Variants in DNM3 observed in about 807,000 individuals in gnomAD.
DNM3 encodes the protein dynamin-3.
Under a neutral mutation model 101.6 loss-of-function variants are expected in DNM3, and 47 were observed. That is an observed-to-expected ratio of 0.46 (90% CI 0.37 to 0.59). The LOEUF (loss-of-function observed/expected upper bound fraction) is 0.59. Ranked by LOEUF, DNM3 falls within the 20% of genes least tolerant of loss-of-function variation. The probability of loss-of-function intolerance (pLI) is 0.00; values close to 1 mark genes in which losing one functional copy is unlikely to be tolerated. For synonymous variants in DNM3, 385 were observed against 387.9 expected (o/e 0.99, Z 0.09); for missense variants, 849 against 1,085.7 (o/e 0.78, Z 3.06).
chr1:172,170,541 T>A (rs1425042730), intron 14 of DNM3, among the ~76,000 whole-genome samples: 1 of 151,902 alleles, frequency 6.6e-6, no homozygotes, highest in Non-Finnish European at 1.5e-5. Flanking sequence ...GTAAGGCTCC[T>A]AGTATGGGGA....
At chr1:171,891,728 G>C (rs181992225) in intron 1 of DNM3, among the ~76,000 whole-genome samples, 4 of 152,266 alleles carry the variant, frequency 2.6e-5, no homozygotes, top group African/African-American at 7.2e-5. Flanking sequence ...GTGTTTTTGG[G>C]AGAAAGATCA....
intron 14 of DNM3, among the ~76,000 whole-genome samples, chr1:172,177,737 T>G (rs74126034): frequency 6.6e-6 from 1 of 151,860 alleles, no homozygotes; most frequent in East Asian, 1.9e-4. Flanking sequence ...AGTGGACTTA[T>G]AGCCAACCCA....
At chr1:172,043,936 A>G (rs193293092) in intron 8 of DNM3, among the ~76,000 whole-genome samples, 28 of 152,304 alleles carry the variant, frequency 1.8e-4, no homozygotes, top group Middle Eastern at 6.8e-3. Context: ...TTTTACAAAG[A>G]GGCCTTTAAC....
At chr1:172,108,600 T>A (rs2055237749) in intron 13 of DNM3, among the ~76,000 whole-genome samples, 1 of 152,254 alleles carries the variant, frequency 6.6e-6, no homozygotes, top group Non-Finnish European at 1.5e-5. Flanking sequence ...AATTAGGGAA[T>A]GAAATGTCTT....
chr1:172,063,515 C>T (rs1168782005), intron 10 of DNM3, among the ~76,000 whole-genome samples: 1 of 151,940 alleles, frequency 6.6e-6, no homozygotes, highest in Non-Finnish European at 1.5e-5. Flanking sequence ...TCTCTCAGAA[C>T]ATGTATAATT....
chr1:172,316,591 A>G (rs2065372398), intron 16 of DNM3, among the ~76,000 whole-genome samples: 1 of 152,150 alleles, frequency 6.6e-6, no homozygotes, highest in African/African-American at 2.4e-5. Context: ...TTGCAATCCT[A>G]GTCTCTGATA....
chr1:172,258,874 G>T (rs1170100781), intron 15 of DNM3, among the ~76,000 whole-genome samples: 1 of 151,516 alleles, frequency 6.6e-6, no homozygotes, highest in Non-Finnish European at 1.5e-5. Context: ...TTCTTTTGAT[G>T]TAGGCAATTA....
intron 1 of DNM3, among the ~76,000 whole-genome samples, chr1:171,897,003 A>G (rs1282434813): frequency 1.3e-5 from 2 of 152,306 alleles, no homozygotes; most frequent in East Asian, 1.9e-4. Flanking sequence ...CTTTTGGACC[A>G]TCTTAAAGTG....
intron 14 of DNM3, among the ~76,000 whole-genome samples, chr1:172,236,934 C>T (rs1186337799): frequency 6.6e-6 from 1 of 152,080 alleles, no homozygotes; most frequent in Non-Finnish European, 1.5e-5. Context: ...CTTCCTCTTC[C>T]TCTTCCTCTA....
intron 2 of DNM3, chr1:171,987,352 G>C (rs1328762175): frequency 2.0e-6 from 2 of 982,892 alleles, no homozygotes; most frequent in East Asian, 2.3e-4. Flanking sequence ...GCTGTTGTTT[G>C]CTTTATCATT....
At chr1:172,345,418 G>C (rs1005472065) in intron 17 of DNM3, among the ~76,000 whole-genome samples, 1 of 152,198 alleles carries the variant, frequency 6.6e-6, no homozygotes, top group African/African-American at 2.4e-5. Context: ...GGCTTCCTAA[G>C]TGAACTACTC....
chr1:172,237,749 GC>G (rs1218124302), intron 14 of DNM3, among the ~76,000 whole-genome samples: 25 of 151,998 alleles, frequency 1.6e-4, no homozygotes, highest in Non-Finnish European at 3.1e-4. Context: ...CATCAAAAAA[GC>G]CAACCAAAAT....
In DNM3 at chr1:172,411,207, C is replaced by T. The variant is rs190470259; in HGVS notation, c.*3366C>T. On this transcript the variant is annotated 3_prime_UTR_variant, in exon 21 of 21. Transcript: ENST00000627582. ...ACAACAGATAGCTTTGAATGATCTG[C>T]CATAACATGTGGTAACAATAGTTCA... The T allele has an allele frequency of 6.9e-4, 677 of 985,078 alleles. 4 individuals are homozygous for T. The African/African-American group carries it at 0.011, about 16-fold the overall frequency. The allele number at this position is 985,078 out of a possible 1,614,324, so 61.0% of individuals were successfully genotyped here.
intron 14 of DNM3, among the ~76,000 whole-genome samples, chr1:172,175,173 G>A (rs781410204): frequency 1.6e-4 from 25 of 151,728 alleles, no homozygotes; most frequent in African/African-American, 5.6e-4. Context: ...AAGGAGATGA[G>A]TATGACTGGA....
intron 1 of DNM3, among the ~76,000 whole-genome samples, chr1:171,920,981 G>A (rs1261852381): frequency 6.6e-6 from 1 of 152,178 alleles, no homozygotes; most frequent in Non-Finnish European, 1.5e-5. Flanking sequence ...CTGGAGTGCA[G>A]TGGTGCGACA....
At chr1:172,363,389 A>G (rs1320677946) in intron 17 of DNM3, among the ~76,000 whole-genome samples, 3 of 151,870 alleles carry the variant, frequency 2.0e-5, no homozygotes, top group Non-Finnish European at 2.9e-5. Context: ...TATTTGCCCC[A>G]ATCTATGAAG....
At chr1:172,076,510 G>A (rs1052929031) in intron 11 of DNM3, among the ~76,000 whole-genome samples, 1 of 152,150 alleles carries the variant, frequency 6.6e-6, no homozygotes, top group Admixed American at 6.6e-5. Flanking sequence ...AGTTTATTGA[G>A]AGTTTTTAGC....
chr1:171,973,120 G>A (rs1305974043), intron 2 of DNM3, among the ~76,000 whole-genome samples: 2 of 152,166 alleles, frequency 1.3e-5, no homozygotes, highest in Non-Finnish European at 2.9e-5. Context: ...TGTAGGGGGC[G>A]GGGGAGGAGG....
At chr1:172,333,611 T>C (rs2066288416) in intron 17 of DNM3, among the ~76,000 whole-genome samples, 1 of 152,196 alleles carries the variant, frequency 6.6e-6, no homozygotes, top group South Asian at 2.1e-4. Flanking sequence ...CTCAACTTGA[T>C]GCATATTATC....
Sources: gnomAD v4.1 joint callset for allele counts (sites outside exome capture counted in the v4.1 genomes callset) on GRCh38, gnomAD v4.1.1 for gene constraint, MANE v1.5 for transcripts, NCBI Gene and HGNC (gene_info 2026-07-23, HGNC 2026-07-21) for gene names.